NARS2: variants seen among roughly 807,000 people sequenced by gnomAD.
NARS2 encodes the protein asparaginyl-tRNA synthetase.
Under a neutral mutation model 62.9 loss-of-function variants are expected in NARS2, and 60 were observed. The ratio of observed to expected loss-of-function variants is 0.95; its 90% CI spans 0.77 to 1.18. NARS2 has a LOEUF of 1.18. Among genes scored for constraint, NARS2 ranks in the 50% most tolerant of loss-of-function variants. NARS2 has a pLI of 0.00. For missense variants in NARS2, 619 were observed against 576.4 expected (o/e 1.07, Z -0.76); for synonymous variants, 196 against 200.0 (o/e 0.98, Z 0.17).
chr11:78,470,019 C>G (rs1858801274), intron 9 of NARS2, among the ~76,000 whole-genome samples: 1 of 152,002 alleles, frequency 6.6e-6, no homozygotes. Flanking sequence ...GTACAAGGAC[C>G]TGAAGTGAGA....
chr11:78,574,351 G>A lies in NARS2; in HGVS notation c.138C>T (p.Ile46=), dbSNP rs779033468. 9 of 1,614,210 alleles carry A rather than the reference G, an allele frequency of 5.6e-6. No individual in the cohort carries two copies. Among genetic ancestry groups the A allele is most frequent in the Non-Finnish European group, 7.6e-6 (9 of 1,180,038 alleles). The part of the protein sequence containing the change: ...AQNASGERIK[I]QGWIRSVRSQ... The stretch of plus-strand genomic sequence containing the variant: ...CACTCCCTTCCCATTCACCAACCTG[G>A]ATCTTAATGCGCTCCCCACTCGCGT... The change falls in exon 1 of 14, where the codon ATC becomes ATT. Residue 46 remains isoleucine, a synonymous_variant. Coordinates refer to ENST00000281038, the MANE Select transcript of NARS2 (RefSeq NM_024678.6).
intron 13 of NARS2, among the ~76,000 whole-genome samples, chr11:78,438,652 T>C (rs533339222): frequency 3.3e-5 from 5 of 152,328 alleles, no homozygotes; most frequent in East Asian, 1.9e-4. Flanking sequence ...CTAATGTATA[T>C]GTATTTGTTT....
intron 6 of NARS2, among the ~76,000 whole-genome samples, chr11:78,509,261 A>T (rs1860624562): frequency 6.6e-6 from 1 of 152,196 alleles, no homozygotes; most frequent in Admixed American, 6.5e-5. Context: ...GTAAGGGAGA[A>T]AGTAAGACAT....
At chr11:78,476,607 T>C (rs528721151) in intron 9 of NARS2, among the ~76,000 whole-genome samples, 49 of 152,364 alleles carry the variant, frequency 3.2e-4, no homozygotes, top group African/African-American at 1.1e-3. Flanking sequence ...CCAAATGGAC[T>C]TTCTGTGGTG....
chr11:78,523,195 T>C (rs911125256), intron 6 of NARS2, among the ~76,000 whole-genome samples: 1 of 152,124 alleles, frequency 6.6e-6, no homozygotes, highest in African/African-American at 2.4e-5. Context: ...TCCACACCTT[T>C]TCATGTGCTC....
chr11:78,475,166 T>C (rs1220128246), intron 9 of NARS2, among the ~76,000 whole-genome samples: 2 of 152,206 alleles, frequency 1.3e-5, no homozygotes, highest in African/African-American at 4.8e-5. Context: ...AAGTGAATCA[T>C]GCAGTATTTG....
At chr11:78,537,824 A>G (rs1292268434) in intron 5 of NARS2, among the ~76,000 whole-genome samples, 3 of 152,210 alleles carry the variant, frequency 2.0e-5, no homozygotes, top group Non-Finnish European at 2.9e-5. Flanking sequence ...ACATACATAC[A>G]TGCAAACATA....
At chr11:78,510,980 G>A (rs901334823) in intron 6 of NARS2, among the ~76,000 whole-genome samples, 1 of 152,202 alleles carries the variant, frequency 6.6e-6, no homozygotes, top group Non-Finnish European at 1.5e-5. Context: ...CAATAGATCG[G>A]TGGTTGCCTA....
At chr11:78,490,559 G>A (rs919233925) in intron 7 of NARS2, among the ~76,000 whole-genome samples, 2 of 152,132 alleles carry the variant, frequency 1.3e-5, no homozygotes, top group African/African-American at 4.8e-5. Context: ...GCTCATGCCT[G>A]TAATCCCAGC....
At chr11:78,448,256 AC>A (rs926903855) in intron 11 of NARS2, among the ~76,000 whole-genome samples, 4 of 152,030 alleles carry the variant, frequency 2.6e-5, no homozygotes, top group Non-Finnish European at 4.4e-5. Flanking sequence ...TATATTCAAA[AC>A]CTATCATTTT....
At chr11:78,470,228 A>G (rs879429780) in intron 9 of NARS2, among the ~76,000 whole-genome samples, 8 of 152,222 alleles carry the variant, frequency 5.3e-5, no homozygotes, top group Admixed American at 4.6e-4. Context: ...GATTCTCTCC[A>G]TGAGACACCC....
chr11:78,474,489 G>A (rs1021339163), intron 9 of NARS2, among the ~76,000 whole-genome samples: 2 of 152,148 alleles, frequency 1.3e-5, no homozygotes, highest in Non-Finnish European at 2.9e-5. Flanking sequence ...AAATGGTAGG[G>A]CCAGGATTAG....
At chr11:78,568,346 G>A (rs1263760217) in intron 3 of NARS2, among the ~76,000 whole-genome samples, 1 of 152,102 alleles carries the variant, frequency 6.6e-6, no homozygotes, top group African/African-American at 2.4e-5. Flanking sequence ...TCCTAAGAAT[G>A]AGCCCACCCT....
rs550751384 is a variant in NARS2, at chr11:78,502,991, CAAAAAAAA to C, written c.690-9804_690-9797del. Among the ~76,000 whole-genome samples the C allele has an allele frequency of 7.4e-3, 618 of 82,968 alleles. 30 individuals are homozygous for C. Among genetic ancestry groups the C allele is most frequent in the African/African-American group, 0.036 (573 of 15,824 alleles). 54.4% of individuals were successfully genotyped at this position (82,968 alleles called of 152,430 possible). On this transcript the variant is annotated intron_variant, in intron 6 of 13. Transcript: ENST00000281038. ...CCTGGGTAACAGAGTGAGACTGTCT[CAAAAAAAA>C]AAAAAAAAAAAGGTTGAATGACGAG...
At chr11:78,452,001 C>T (rs72933766) in intron 11 of NARS2, among the ~76,000 whole-genome samples, 2,558 of 152,300 alleles carry the variant, frequency 0.017, 26 homozygotes, top group South Asian at 0.033. Context: ...AAATGAGCTG[C>T]AAGCTTTTGA....
intron 6 of NARS2, among the ~76,000 whole-genome samples, chr11:78,500,203 T>G (rs1183341753): frequency 1.3e-5 from 2 of 152,160 alleles, no homozygotes; most frequent in Non-Finnish European, 2.9e-5. Flanking sequence ...ATGGTACTGA[T>G]TAAGAACATG....
chr11:78,539,382 G>A (rs1170523453), intron 5 of NARS2, among the ~76,000 whole-genome samples: 1 of 152,154 alleles, frequency 6.6e-6, no homozygotes, highest in Non-Finnish European at 1.5e-5. Flanking sequence ...AATTAAGTCT[G>A]ACATCTAGAT....
At position 78,528,417 on chromosome 11, in the gene NARS2, C is replaced by G. The variant is rs941695469; in HGVS notation, c.689+425G>C. On this transcript the variant is annotated intron_variant, in intron 6 of 13. Coordinates refer to ENST00000281038, the MANE Select transcript of NARS2 (RefSeq NM_024678.6). ...GACTTAAAAGATGTAATTTGCTGTA[C>G]ACCTCTCAAAATGTAGGTATGAGTT... 2.0e-5 allele frequency among the ~76,000 whole-genome samples: 3 copies of G among 152,194 alleles called. No homozygotes were observed. In the East Asian group the frequency reaches 5.8e-4, roughly 29 times the overall value.
intron 11 of NARS2, among the ~76,000 whole-genome samples, chr11:78,456,247 G>T (rs1231433298): frequency 2.0e-5 from 3 of 152,078 alleles, no homozygotes; most frequent in African/African-American, 7.2e-5. Context: ...GACTGAAATG[G>T]GAGAAACAGT....
Sources: allele counts gnomAD v4.1 joint callset (sites outside exome capture counted in the v4.1 genomes callset), GRCh38; gene constraint gnomAD v4.1.1; transcripts MANE v1.5; gene names NCBI Gene and HGNC (gene_info 2026-07-23, HGNC 2026-07-21).